The following PDE4D variants were observed in gnomAD, a reference collection of about 807,000 sequenced individuals.
PDE4D encodes the protein phosphodiesterase 4D.
PDE4D carries 24 observed loss-of-function variants against 87.4 expected under a neutral mutation model. The ratio of observed to expected loss-of-function variants is 0.27; its 90% confidence interval spans 0.20 to 0.39. The LOEUF (loss-of-function observed/expected upper bound fraction) is 0.39. Among genes scored for constraint, PDE4D ranks in the 10% least tolerant of loss-of-function variants. PDE4D has a pLI of 1.00. For synonymous variants in PDE4D, 384 were observed against 383.2 expected (o/e 1.00, Z -0.02); for missense variants, 714 against 1,041.0 (o/e 0.69, Z 4.32).
intron 3 of PDE4D, among the ~76,000 whole-genome samples, chr5:59,980,785 T>G (rs1761846295): frequency 6.6e-6 from 1 of 152,198 alleles, no homozygotes; most frequent in Admixed American, 6.5e-5. Context: ...GCATGGCAGA[T>G]ATAGCATAAA....
chr5:59,822,067 G>T (rs1174325103), intron 1 of PDE4D, among the ~76,000 whole-genome samples: 1 of 152,086 alleles, frequency 6.6e-6, no homozygotes, highest in Non-Finnish European at 1.5e-5. Flanking sequence ...ATAATGATTT[G>T]TGTGTGCATG....
chr5:59,580,088 C>A (rs1823840954), intron 1 of PDE4D, among the ~76,000 whole-genome samples: 1 of 152,194 alleles, frequency 6.6e-6, no homozygotes. Flanking sequence ...CTTATTTTCT[C>A]TGGTCTACTG....
At chr5:59,920,882 G>T (rs1157918246) in intron 3 of PDE4D, among the ~76,000 whole-genome samples, 1 of 140,872 alleles carries the variant, frequency 7.1e-6, no homozygotes, top group Non-Finnish European at 1.6e-5. Context: ...AGGGGGGAGG[G>T]GGAGGGAAAG....
intron 1 of PDE4D, among the ~76,000 whole-genome samples, chr5:59,772,532 A>G (rs899734188): frequency 6.6e-6 from 1 of 152,176 alleles, no homozygotes; most frequent in Non-Finnish European, 1.5e-5. Context: ...GTTTTGTCTC[A>G]TTAATCATTT....
Position 59,200,303 on chromosome 5 carries a change from A to C in PDE4D, c.648-6767T>G, listed in dbSNP as rs528118490. On this transcript the variant is annotated intron_variant, in intron 2 of 14. Coordinates refer to ENST00000340635, the MANE Select transcript of PDE4D (RefSeq NM_001104631.2). ...GCTACAAGTATACATACATATGTGTATGTACAGCTACACGTATACATACAC... is the reference window on the plus strand; with the variant it reads ...GCTACAAGTATACATACATATGTGTCTGTACAGCTACACGTATACATACAC... Among the ~76,000 whole-genome samples the C allele has an allele frequency of 4.1e-4, 54 of 132,064 alleles. 2 individuals are homozygous for C. Among genetic ancestry groups the C allele is most frequent in the African/African-American group, 1.5e-3 (47 of 31,166 alleles). 86.6% of individuals were successfully genotyped at this position (132,064 alleles called of 152,430 possible). A position where few individuals can be genotyped will look rare whatever the true frequency, so the allele number is the denominator to read the frequency against.
intron 1 of PDE4D, among the ~76,000 whole-genome samples, chr5:59,854,053 G>A (rs1745055323): frequency 6.6e-6 from 1 of 151,992 alleles, no homozygotes; most frequent in South Asian, 2.1e-4. Flanking sequence ...ATTATTGGGT[G>A]AAAAATGTAT....
intron 1 of PDE4D, among the ~76,000 whole-genome samples, chr5:60,270,764 T>A (rs1024410926): frequency 6.6e-6 from 1 of 152,198 alleles, no homozygotes; most frequent in African/African-American, 2.4e-5. Flanking sequence ...ATCATTCAGA[T>A]GTCTGAATTC....
rs527916215 is a variant in PDE4D, at chr5:59,497,593, G to A, written c.456-281625C>T. ...TACCAAGCAGAAGAATGAATTTCAG[G>A]GCTCGAAGACTAGCTTTCTGAATCA... On this transcript the variant is annotated intron_variant, in intron 1 of 14. Coordinates refer to ENST00000340635, the MANE Select transcript of PDE4D (RefSeq NM_001104631.2). 2.0e-5 allele frequency among the ~76,000 whole-genome samples: 3 copies of A among 151,992 alleles called. No homozygotes were observed. The East Asian group carries it at 5.8e-4, about 30-fold the overall frequency.
chr5:59,601,533 C>T (rs1366126871), intron 1 of PDE4D, among the ~76,000 whole-genome samples: 8 of 151,780 alleles, frequency 5.3e-5, no homozygotes, highest in Non-Finnish European at 8.8e-5. Flanking sequence ...TTGTTTCTTC[C>T]GTAATTTACA....
intron 5 of PDE4D, among the ~76,000 whole-genome samples, chr5:59,109,428 G>T (rs1365776812): frequency 6.6e-5 from 10 of 152,236 alleles, no homozygotes; most frequent in African/African-American, 1.7e-4. Context: ...TGAATCTGGA[G>T]CATTTAAGTG....
chr5:59,317,575 A>T (rs1464155256), intron 1 of PDE4D, among the ~76,000 whole-genome samples: 1 of 152,136 alleles, frequency 6.6e-6, no homozygotes, highest in Non-Finnish European at 1.5e-5. Flanking sequence ...ACAGAGTCAG[A>T]TTACGTCTGA....
intron 1 of PDE4D, among the ~76,000 whole-genome samples, chr5:59,538,442 T>C (rs1329348043): frequency 6.6e-6 from 1 of 152,210 alleles, no homozygotes; most frequent in African/African-American, 2.4e-5. Flanking sequence ...ACTCAGTGAA[T>C]GGCCTACTGT....
At chr5:59,599,837 G>T (rs1163804250) in intron 1 of PDE4D, among the ~76,000 whole-genome samples, 1 of 152,146 alleles carries the variant, frequency 6.6e-6, no homozygotes, top group Non-Finnish European at 1.5e-5. Flanking sequence ...ACTCCTCTGG[G>T]ATTGGAAGGC....
chr5:59,490,215 G>C (rs1008768906), intron 1 of PDE4D, among the ~76,000 whole-genome samples: 1 of 151,958 alleles, frequency 6.6e-6, no homozygotes, highest in Non-Finnish European at 1.5e-5. Context: ...CATATGCTAA[G>C]TGATTTTCTA....
At chr5:60,374,498 T>G (rs1244763178) in intron 1 of PDE4D, among the ~76,000 whole-genome samples, 1 of 152,192 alleles carries the variant, frequency 6.6e-6, no homozygotes, top group Non-Finnish European at 1.5e-5. Flanking sequence ...AATAATTCGG[T>G]CTGAGAGTAA....
chr5:59,308,559 C>T (rs1771889529), intron 1 of PDE4D, among the ~76,000 whole-genome samples: 1 of 151,894 alleles, frequency 6.6e-6, no homozygotes, highest in African/African-American at 2.4e-5. Flanking sequence ...AAGATAGGGC[C>T]CCAGTCCCTT....
chr5:59,031,707 CAAAAA>C (rs70973183), intron 6 of PDE4D, among the ~76,000 whole-genome samples: 1 of 16,680 alleles, frequency 6.0e-5, no homozygotes, highest in Non-Finnish European at 1.0e-4. Context: ...GACTCCACCT[CAAAAA>C]AAAAAAAAAA....
At chr5:59,056,358 G>C (rs1762356974) in intron 5 of PDE4D, among the ~76,000 whole-genome samples, 1 of 152,158 alleles carries the variant, frequency 6.6e-6, no homozygotes, top group Non-Finnish European at 1.5e-5. Flanking sequence ...AGGGGCTTGA[G>C]TGTCTAAAAG....
intron 1 of PDE4D, among the ~76,000 whole-genome samples, chr5:59,304,014 A>G (rs1770780593): frequency 6.6e-6 from 1 of 152,154 alleles, no homozygotes; most frequent in African/African-American, 2.4e-5. Context: ...GATTCTACCC[A>G]TCCATGATCA....
Sources: allele counts gnomAD v4.1 joint callset (sites outside exome capture counted in the v4.1 genomes callset), GRCh38; gene constraint gnomAD v4.1.1; transcripts MANE v1.5; gene names NCBI Gene and HGNC (gene_info 2026-07-23, HGNC 2026-07-21).